DLGAP2: variants seen among roughly 807,000 people sequenced by gnomAD.
The protein encoded by DLGAP2 is disks large-associated protein 2.
Under a neutral mutation model 100.3 loss-of-function variants are expected in DLGAP2, and 26 were observed. The ratio of observed to expected loss-of-function variants is 0.26; its 90% CI spans 0.19 to 0.36. The LOEUF (loss-of-function observed/expected upper bound fraction) is 0.36, where lower values mean the gene tolerates loss of function less well. DLGAP2 is among the 10% of genes least tolerant of loss of function. The pLI is 1.00. For synonymous variants in DLGAP2, 886 were observed against 630.1 expected, an observed-to-expected ratio of 1.41 and a Z score of -6.08; for missense variants, 1,858 against 1,453.2, an observed-to-expected ratio of 1.28 and a Z score of -4.53.
At chr8:1,185,081 G>A (rs1037088661) in intron 2 of DLGAP2, among the ~76,000 whole-genome samples, 3 of 152,140 alleles carry the variant, frequency 2.0e-5, no homozygotes, top group Non-Finnish European at 1.5e-5. Context: ...AGGGTTCTGC[G>A]TCTTGCGGCC....
chr8:738,257 C>CT (rs1161813665), intron 1 of DLGAP2, among the ~76,000 whole-genome samples: 1 of 151,536 alleles, frequency 6.6e-6, no homozygotes, highest in Admixed American at 6.6e-5. Context: ...CTGCATCCCC[C>CT]TCCCCCCAAG....
At chr8:1,226,516 A>T (rs1244854170) in intron 2 of DLGAP2, among the ~76,000 whole-genome samples, 1 of 152,194 alleles carries the variant, frequency 6.6e-6, no homozygotes, top group Non-Finnish European at 1.5e-5. Context: ...TAGCTAATGC[A>T]TGTGGGGCTT....
intron 3 of DLGAP2, among the ~76,000 whole-genome samples, chr8:1,491,301 G>C (rs1799378016): frequency 8.1e-6 from 1 of 123,672 alleles, no homozygotes; most frequent in Non-Finnish European, 1.7e-5. Flanking sequence ...GTGAGCAAGA[G>C]AAACAGTAAG....
intron 1 of DLGAP2, among the ~76,000 whole-genome samples, chr8:778,362 C>G (rs549776344): frequency 6.6e-6 from 1 of 152,246 alleles, no homozygotes; most frequent in Admixed American, 6.5e-5. Flanking sequence ...AGTCATTCTC[C>G]GTCCAGCTTT....
chr8:1,505,938 T>C (rs1377273895), intron 4 of DLGAP2, among the ~76,000 whole-genome samples: 1 of 152,254 alleles, frequency 6.6e-6, no homozygotes, highest in Non-Finnish European at 1.5e-5. Flanking sequence ...AATGAAATTT[T>C]AAAAAGTTGG....
At position 1,317,892 on chromosome 8, in the gene DLGAP2, G is replaced by A. The variant is rs186102852; in HGVS notation, c.106+59009G>A. On this transcript the variant is annotated intron_variant, in intron 3 of 14. Transcript: ENST00000637795. ...AAAATAGAGCGTGTGTGAGTGCAGCGTCTCTCCAACAGTGGTCTACACTCG... is the reference window on the plus strand; with the variant it reads ...AAAATAGAGCGTGTGTGAGTGCAGCATCTCTCCAACAGTGGTCTACACTCG... Among the ~76,000 whole-genome samples the A allele has an allele frequency of 1.2e-3, 159 of 135,956 alleles. 1 individual carries two copies. Among genetic ancestry groups the A allele is most frequent in the Middle Eastern group, 4.2e-3 (1 of 238 alleles). The allele number at this position is 135,956 out of a possible 152,430, so 89.2% of individuals were successfully genotyped here. A position where few individuals can be genotyped will look rare whatever the true frequency, so the allele number is the denominator to read the frequency against.
chr8:1,696,660 G>C (rs1413755817), intron 13 of DLGAP2, among the ~76,000 whole-genome samples: 1 of 152,202 alleles, frequency 6.6e-6, no homozygotes, highest in Non-Finnish European at 1.5e-5. Flanking sequence ...AGAGCATCCT[G>C]TTCCTTGGCG....
At chr8:1,246,994 G>A (rs553595873) in intron 2 of DLGAP2, 1 of 168,930 alleles carries the variant, frequency 5.9e-6, no homozygotes, top group Admixed American at 6.5e-5. Flanking sequence ...CCATGTTGGT[G>A]GCTGGCAAGA....
intron 3 of DLGAP2, among the ~76,000 whole-genome samples, chr8:1,430,636 C>G (rs1297634205): frequency 2.0e-5 from 3 of 152,188 alleles, no homozygotes; most frequent in Non-Finnish European, 4.4e-5. Context: ...GACTGCTCTT[C>G]TATGAGATTG....
At chr8:1,025,903 A>C (rs1801784256) in intron 2 of DLGAP2, among the ~76,000 whole-genome samples, 1 of 152,162 alleles carries the variant, frequency 6.6e-6, no homozygotes. Flanking sequence ...GGGACAGAGC[A>C]CGCTGCAGGG....
At chr8:1,010,206 C>T (rs1051139152) in intron 2 of DLGAP2, among the ~76,000 whole-genome samples, 4 of 152,168 alleles carry the variant, frequency 2.6e-5, no homozygotes, top group South Asian at 2.1e-4. Flanking sequence ...CACATGTGCA[C>T]ACTCAGATAT....
At chr8:1,555,737 G>A (rs1801943060) in intron 5 of DLGAP2, among the ~76,000 whole-genome samples, 1 of 152,232 alleles carries the variant, frequency 6.6e-6, no homozygotes, top group African/African-American at 2.4e-5. Flanking sequence ...GCTGGGCTGT[G>A]TCACATCTCA....
intron 3 of DLGAP2, among the ~76,000 whole-genome samples, chr8:1,316,630 C>T (rs1800757864): frequency 6.9e-6 from 1 of 144,750 alleles, no homozygotes; most frequent in East Asian, 2.1e-4. Context: ...TGTGCGAGTG[C>T]AGCGTCTCTC....
intron 2 of DLGAP2, among the ~76,000 whole-genome samples, chr8:926,166 G>T (rs891631525): frequency 6.6e-6 from 1 of 152,126 alleles, no homozygotes; most frequent in African/African-American, 2.4e-5. Flanking sequence ...GCCTGTGGTC[G>T]TGCCTGTACA....
intron 2 of DLGAP2, among the ~76,000 whole-genome samples, chr8:1,213,217 C>T (rs981659022): frequency 3.3e-5 from 5 of 152,128 alleles, no homozygotes; most frequent in Non-Finnish European, 7.3e-5. Flanking sequence ...ACAGTCTTGT[C>T]TGTGGCTTTC....
chr8:1,332,702 A>G (rs1468101864), intron 3 of DLGAP2, among the ~76,000 whole-genome samples: 1 of 152,138 alleles, frequency 6.6e-6, no homozygotes, highest in African/African-American at 2.4e-5. Flanking sequence ...CTCAGAATTC[A>G]CGTCTGAGTC....
At chr8:1,428,542 G>C (rs367767461) in intron 3 of DLGAP2, among the ~76,000 whole-genome samples, 42 of 152,050 alleles carry the variant, frequency 2.8e-4, no homozygotes, top group African/African-American at 9.9e-4. Flanking sequence ...AATAAGAAAA[G>C]AAAATTATAG....
At chr8:1,680,909 CAG>C (rs1188452785) in intron 12 of DLGAP2, 2 of 152,212 alleles carry the variant, frequency 1.3e-5, no homozygotes, top group Non-Finnish European at 2.9e-5. Flanking sequence ...TGCATGCTGA[CAG>C]GGGCAGCGTA....
At position 1,457,975 on chromosome 8, in the gene DLGAP2, C is replaced by CATATACATATAT. The variant is rs1203151608; in HGVS notation, c.107-43386_107-43385insCATATATATATA. On this transcript the variant is annotated intron_variant, in intron 3 of 14. Coordinates refer to ENST00000637795, the MANE Select transcript of DLGAP2 (RefSeq NM_001346810.2). ...CTGTCAATTGTCTCTGTTCTCTGAT[C>CATATACATATAT]ATATATATATATATATATATATATA... Among the ~76,000 whole-genome samples the CATATACATATAT allele has an allele frequency of 8.4e-5, 9 of 107,736 alleles. No homozygotes were observed. The South Asian group carries it at 1.2e-3, about 15-fold the overall frequency. 70.7% of individuals were successfully genotyped at this position (107,736 alleles called of 152,430 possible).
Sources: allele counts gnomAD v4.1 joint callset (sites outside exome capture counted in the v4.1 genomes callset), GRCh38; gene constraint gnomAD v4.1.1; transcripts MANE v1.5; gene names NCBI Gene and HGNC (gene_info 2026-07-23, HGNC 2026-07-21).